Variants in RBSN observed in about 807,000 individuals in gnomAD.
RBSN encodes the protein rabenosyn-5.
Under a neutral mutation model 60.5 loss-of-function variants are expected in RBSN, and 34 were observed. The observed-to-expected ratio is 0.56, with a 90% CI of 0.43 to 0.75. The LOEUF (loss-of-function observed/expected upper bound fraction) is 0.75, where lower values mean the gene tolerates loss of function less well. Ranked by LOEUF, RBSN falls within the 30% of genes least tolerant of loss-of-function variation. RBSN has a pLI of 0.00. For synonymous variants in RBSN, 322 were observed against 366.9 expected (o/e 0.88, Z 1.40); for missense variants, 845 against 986.8 (o/e 0.86, Z 1.92).
rs1254350968 is a variant in RBSN, at chr3:15,074,455, G to A, written c.1682C>T (p.Pro561Leu). 1 of 1,614,076 alleles carries A rather than the reference G, an allele frequency of 6.2e-7. No homozygotes were observed. Among genetic ancestry groups the A allele is most frequent in the African/African-American group, 1.3e-5 (1 of 74,926 alleles). ...FREIGPFQLE[P>L]SREPRTHLAY... ...AAGGTGGGTGCGAGGCTCTCTGCTGGGCTCCAGCTGAAAAGGGCCGATTTC... is the reference window on the plus strand; with the variant it reads ...AAGGTGGGTGCGAGGCTCTCTGCTGAGCTCCAGCTGAAAAGGGCCGATTTC... The change falls in exon 14 of 14, where the codon CCC becomes CTC. Residue 561 changes from proline (P) to leucine (L), a missense_variant. Pro to Leu is a moderately conservative substitution (Grantham distance 98). Transcript: ENST00000253699. The surrounding 1 kb of genome is among the most constrained non-coding windows in gnomAD (Gnocchi z 6.4).
intron 13 of RBSN, chr3:15,075,370 A>G (rs1233593173): frequency 1.5e-6 from 1 of 660,324 alleles, no homozygotes; most frequent in East Asian, 3.0e-5. Flanking sequence ...TCTCTGTGGT[A>G]TTCTAGCCAT....
intron 4 of RBSN, among the ~76,000 whole-genome samples, chr3:15,094,405 T>G (rs2125186249): frequency 6.6e-6 from 1 of 152,368 alleles, no homozygotes; most frequent in Non-Finnish European, 1.5e-5. Flanking sequence ...GCACTGGATT[T>G]ACAGATGACA....
Position 15,082,533 on chromosome 3 carries a change from C to G in RBSN, c.674G>C (p.Gly225Ala), listed in dbSNP as rs748103479. 2.5e-6 allele frequency: 4 copies of G among 1,614,154 alleles called. No homozygotes were observed. Among genetic ancestry groups the G allele is most frequent in the Non-Finnish European group, 3.4e-6 (4 of 1,180,030 alleles). ...SPSQSPNSVH[G>A]SRRGSISSMS... ...GCTGCTGATGCTGCCTCGGCGGGAG[C>G]CATGGACACTGTTGGGTGACTGGCT... The change falls in exon 9 of 14, where the codon GGC (glycine) becomes GCC (alanine). Residue 225 changes from glycine (G) to alanine (A), a missense_variant. Transcript: ENST00000253699. The surrounding 1 kb of genome is among the most constrained non-coding windows in gnomAD (Gnocchi z 4.2).
chr3:15,080,524 T>G (rs573140364), intron 10 of RBSN, among the ~76,000 whole-genome samples: 1 of 152,324 alleles, frequency 6.6e-6, no homozygotes, highest in African/African-American at 2.4e-5. Context: ...TACAAGCTCA[T>G]GTGATGGTAG....
intron 4 of RBSN, among the ~76,000 whole-genome samples, chr3:15,092,637 C>T (rs1027612792): frequency 4.6e-5 from 7 of 152,150 alleles, no homozygotes; most frequent in African/African-American, 1.7e-4. Flanking sequence ...GTCTTAAACT[C>T]CTGGCCTCAG....
intron 5 of RBSN, 57 bp from the exon 6 acceptor site, chr3:15,086,018 G>A (rs1575099459): frequency 1.5e-6 from 1 of 650,856 alleles, no homozygotes. Context: ...AGGGAGCCTA[G>A]TCTCTACCTT....
At position 15,075,579 on chromosome 3, in the gene RBSN, A is replaced by G. The variant is rs1048056344; in HGVS notation, c.1206+27T>C. On this transcript the variant is annotated intron_variant, in intron 13 of 13. Transcript: ENST00000253699. ...GTGCTTGAGAGCCACAGGAGGAAGC[A>G]GGCCCCATATCCCTGGCTTCACTCA... 1.9e-6 allele frequency: 3 copies of G among 1,588,316 alleles called. No homozygotes were observed. In the East Asian group the frequency reaches 6.7e-5, roughly 35 times the overall value.
chr3:15,091,526 TAAG>T, intron 4 of RBSN: 2 of 1,276,928 alleles, frequency 1.6e-6, no homozygotes, highest in Non-Finnish European at 2.0e-6. Flanking sequence ...CCAGATTGGG[TAAG>T]AAGAGAAAAT....
chr3:15,076,834 T>A (rs1447558277), intron 12 of RBSN, among the ~76,000 whole-genome samples: 1 of 152,130 alleles, frequency 6.6e-6, no homozygotes, highest in Non-Finnish European at 1.5e-5. Flanking sequence ...AAAGAAAACA[T>A]ACCAGAATAA....
In RBSN at chr3:15,095,960, C is replaced by G. The variant is rs756392372; in HGVS notation, c.148+13G>C. ...AACGACAGCAGGGGATAGGCAAGGTCCTCGCCTCTTACTTTTAATTTGCCC... is the reference window on the plus strand; with the variant it reads ...AACGACAGCAGGGGATAGGCAAGGTGCTCGCCTCTTACTTTTAATTTGCCC... On this transcript the variant is annotated intron_variant, in intron 4 of 13. Transcript: ENST00000253699. The G allele has an allele frequency of 1.2e-6, 2 of 1,614,192 alleles. No homozygotes were observed. Among genetic ancestry groups the G allele is most frequent in the East Asian group, 4.5e-5 (2 of 44,888 alleles).
chr3:15,076,640 A>C (rs1294581813), intron 12 of RBSN, among the ~76,000 whole-genome samples: 1 of 152,204 alleles, frequency 6.6e-6, no homozygotes, highest in East Asian at 1.9e-4. Context: ...GCTCAAGAAG[A>C]GTCTCTTAGG....
chr3:15,097,519 A>T (rs1283424953), intron 2 of RBSN, among the ~76,000 whole-genome samples: 5 of 149,930 alleles, frequency 3.3e-5, no homozygotes, highest in Non-Finnish European at 7.4e-5. Context: ...CCATCTCAAA[A>T]AAGTAAATAA....
In RBSN at chr3:15,072,443, A is replaced by T. The variant is rs1032832865; in HGVS notation, c.*1339T>A. The stretch of plus-strand genomic sequence containing the variant: ...CCCCAAGTCAGGACACAATGAACCA[A>T]AAAGGAAGAAGGCTGATCAAATAGC... On this transcript the variant is annotated 3_prime_UTR_variant, in exon 14 of 14. Coordinates refer to ENST00000253699, the MANE Select transcript of RBSN (RefSeq NM_022340.4). The T allele has an allele frequency of 2.0e-5, 3 of 152,236 alleles. No individual in the cohort carries two copies. Among genetic ancestry groups the T allele is most frequent in the Non-Finnish European group, 4.4e-5 (3 of 68,044 alleles). 9.4% of individuals were successfully genotyped at this position (152,236 alleles called of 1,614,324 possible).
intron 5 of RBSN, among the ~76,000 whole-genome samples, chr3:15,088,170 A>C (rs2043398566): frequency 6.6e-6 from 1 of 152,096 alleles, no homozygotes; most frequent in Non-Finnish European, 1.5e-5. Flanking sequence ...AATAAATATT[A>C]ACTTCTAAAA....
chr3:15,089,456 C>CAAAAAA (rs757156425), intron 5 of RBSN, among the ~76,000 whole-genome samples: 39 of 31,390 alleles, frequency 1.2e-3, no homozygotes, highest in South Asian at 2.2e-3. Context: ...ACTCCATCTC[C>CAAAAAA]AAAAAAAAAA....
At chr3:15,086,975 CTATTCA>C in intron 5 of RBSN, among the ~76,000 whole-genome samples, 1 of 152,322 alleles carries the variant, frequency 6.6e-6, no homozygotes, top group Middle Eastern at 3.4e-3. Context: ...CAATGATCAT[CTATTCA>C]TTTATAGACT....
chr3:15,082,964 T>C lies in RBSN; in HGVS notation c.599-356A>G, dbSNP rs562260146. On this transcript the variant is annotated intron_variant, in intron 8 of 13. Transcript: ENST00000253699. The surrounding 1 kb of genome is among the most constrained non-coding windows in gnomAD (Gnocchi z 4.2). ...GAATGGCAGGTCCTCCAGGAAAGCC[T>C]TTTCCAATTCCCTGAGGCAAAAACT... 6.6e-6 allele frequency among the ~76,000 whole-genome samples: 1 copy of C among 152,304 alleles called. No homozygotes were observed. Among genetic ancestry groups the C allele is most frequent in the African/African-American group, 2.4e-5 (1 of 41,568 alleles).
In RBSN at chr3:15,073,315, C is replaced by T. The variant is rs1426724561; in HGVS notation, c.*467G>A. The T allele has an allele frequency of 1.3e-5, 2 of 159,814 alleles. No homozygotes were observed. The highest frequency in any genetic ancestry group is 4.8e-5 in the African/African-American group (2 of 41,446). 9.9% of individuals were successfully genotyped at this position (159,814 alleles called of 1,614,324 possible). ...GGACTTCTGTCAGAGCAGAATAGAG[C>T]TCAGTGGAATCTATCTTCTCTGTCT... is the stretch of plus-strand genomic sequence containing the variant. On this transcript the variant is annotated 3_prime_UTR_variant, in exon 14 of 14. Coordinates refer to ENST00000253699, the MANE Select transcript of RBSN (RefSeq NM_022340.4).
chr3:15,097,467 A>T (rs13323386), intron 2 of RBSN, among the ~76,000 whole-genome samples: 7,935 of 152,296 alleles, frequency 0.052, 249 homozygotes, highest in East Asian at 0.13. Flanking sequence ...GTGAGCCGAG[A>T]TCATGCCATT....
Sources: allele counts gnomAD v4.1 joint callset (sites outside exome capture counted in the v4.1 genomes callset), GRCh38; gene constraint gnomAD v4.1.1; non-coding constraint Gnocchi (gnomAD v3.1); transcripts MANE v1.5; gene names NCBI Gene and HGNC (gene_info 2026-07-23, HGNC 2026-07-21).